AGBL1: variants seen among roughly 807,000 people sequenced by gnomAD.
AGBL1 encodes the protein AGBL carboxypeptidase 1.
Under a neutral mutation model 118.9 loss-of-function variants are expected in AGBL1, and 130 were observed. That is an observed-to-expected ratio of 1.09 (90% CI 0.95 to 1.26). The LOEUF (loss-of-function observed/expected upper bound fraction) is 1.26, where lower values mean the gene tolerates loss of function less well. AGBL1 is among the 50% of genes most tolerant of loss of function. The probability of loss-of-function intolerance (pLI) is 0.00; values close to 1 mark genes in which losing one functional copy is unlikely to be tolerated. For missense variants in AGBL1, 1,584 were observed against 1,298.1 expected (o/e 1.22, Z -3.38); for synonymous variants, 555 against 478.9 (o/e 1.16, Z -2.08).
chr15:86,916,661 C>T (rs372967298), downstream of AGBL1, among the ~76,000 whole-genome samples: 2 of 152,186 alleles, frequency 1.3e-5, no homozygotes, highest in Admixed American at 6.5e-5. Flanking sequence ...ACCCTTTCCT[C>T]TGGGTCTCAG....
At chr15:86,119,555 T>A (rs1277911411) in intron 1 of AGBL1, among the ~76,000 whole-genome samples, 1 of 151,996 alleles carries the variant, frequency 6.6e-6, no homozygotes, top group African/African-American at 2.4e-5. Flanking sequence ...CCCGGACCCA[T>A]CAACTGGGGC....
At chr15:86,774,417 T>C (rs1351737414) in intron 22 of AGBL1, among the ~76,000 whole-genome samples, 1 of 152,164 alleles carries the variant, frequency 6.6e-6, no homozygotes, top group African/African-American at 2.4e-5. Flanking sequence ...TAATACATAC[T>C]TTTGTTTTAT....
intron 17 of AGBL1, chr15:86,316,730 C>T (rs2080018174): frequency 1.3e-5 from 2 of 152,210 alleles, no homozygotes; most frequent in Admixed American, 1.3e-4. Flanking sequence ...TCCATCTTAC[C>T]CTAACTGTTG....
chr15:86,204,191 T>C (rs1389504109), intron 5 of AGBL1, among the ~76,000 whole-genome samples: 1 of 152,166 alleles, frequency 6.6e-6, no homozygotes, highest in East Asian at 1.9e-4. Flanking sequence ...TTCTATGCTT[T>C]CTGTGTCCCA....
Position 86,162,272 on chromosome 15 carries a change from G to A in AGBL1, c.488+3246G>A, listed in dbSNP as rs114895338. 7.2e-3 allele frequency among the ~76,000 whole-genome samples: 1,103 copies of A among 152,240 alleles called. 12 individuals carry two copies. Among genetic ancestry groups the A allele is most frequent in the African/African-American group, 0.025 (1,057 of 41,538 alleles). Reference sequence around the variant, plus strand: ...ATCCTCCAAATGCTAGCATGCTATGGGAGAGTTATTCCGGGATGCCTTTGT... The same window carrying A: ...ATCCTCCAAATGCTAGCATGCTATGAGAGAGTTATTCCGGGATGCCTTTGT... On this transcript the variant is annotated intron_variant, in intron 5 of 22. Transcript: ENST00000614907.
At chr15:86,477,351 G>T (rs2082575277) in intron 18 of AGBL1, among the ~76,000 whole-genome samples, 1 of 152,008 alleles carries the variant, frequency 6.6e-6, no homozygotes, top group Admixed American at 6.6e-5. Flanking sequence ...TGATAAAGAA[G>T]AAAAGAGAGA....
At chr15:86,632,634 T>G (rs1029716257) in intron 21 of AGBL1, among the ~76,000 whole-genome samples, 2 of 147,550 alleles carry the variant, frequency 1.4e-5, no homozygotes, top group Admixed American at 1.3e-4. Context: ...CATCATGTTT[T>G]TTTTTTTTTT....
At chr15:86,088,674 A>G (rs915790715) in intron 1 of AGBL1, among the ~76,000 whole-genome samples, 10 of 152,218 alleles carry the variant, frequency 6.6e-5, no homozygotes, top group African/African-American at 2.4e-4. Context: ...CGTTGTGGAA[A>G]CAGATGGATT....
At chr15:86,162,099 A>T (rs2077274674) in intron 5 of AGBL1, among the ~76,000 whole-genome samples, 1 of 152,090 alleles carries the variant, frequency 6.6e-6, no homozygotes, top group South Asian at 2.1e-4. Flanking sequence ...ATCTTTCACA[A>T]ACTCCATCCT....
At chr15:86,858,190 G>C (rs946880697) in intron 22 of AGBL1, among the ~76,000 whole-genome samples, 6 of 152,088 alleles carry the variant, frequency 3.9e-5, no homozygotes, top group African/African-American at 1.4e-4. Context: ...TGCTATAAGA[G>C]GGTATCACAG....
intron 21 of AGBL1, among the ~76,000 whole-genome samples, chr15:86,655,474 A>G (rs1371027675): frequency 1.3e-5 from 2 of 152,192 alleles, no homozygotes; most frequent in Non-Finnish European, 2.9e-5. Context: ...TAGGTAATCA[A>G]TAATTTCCCG....
chr15:86,142,602 C>T (rs1235291208), intron 2 of AGBL1, among the ~76,000 whole-genome samples: 2 of 152,172 alleles, frequency 1.3e-5, no homozygotes, highest in African/African-American at 4.8e-5. Context: ...TGCCTCATTA[C>T]TTTAGAAAGA....
rs533094116 is a variant in AGBL1, at chr15:86,546,321, G to A, written c.2817+188G>A. Among the ~76,000 whole-genome samples, 6 of 149,276 alleles carry A rather than the reference G, an allele frequency of 4.0e-5. No homozygotes were observed. The South Asian group carries it at 1.3e-3, about 32-fold the overall frequency. ...TGTGTAACCTCTCCTAATTTTTGTTGAATAATGACTTACTGACTTGTTGCT... is the reference window on the plus strand; with the variant it reads ...TGTGTAACCTCTCCTAATTTTTGTTAAATAATGACTTACTGACTTGTTGCT... On this transcript the variant is annotated intron_variant, in intron 20 of 22. Transcript: ENST00000614907.
intron 19 of AGBL1, among the ~76,000 whole-genome samples, chr15:86,534,859 A>G (rs535908752): frequency 6.6e-6 from 1 of 152,308 alleles, no homozygotes; most frequent in Non-Finnish European, 1.5e-5. Flanking sequence ...TTATGGGGAC[A>G]TAAATTGAAC....
chr15:86,330,147 G>C (rs2080247795), intron 17 of AGBL1, among the ~76,000 whole-genome samples: 1 of 152,196 alleles, frequency 6.6e-6, no homozygotes. Flanking sequence ...TGGGAGCTGA[G>C]CAGGGAGTTC....
chr15:86,369,001 G>A (rs537521099), intron 17 of AGBL1, among the ~76,000 whole-genome samples: 10 of 152,146 alleles, frequency 6.6e-5, no homozygotes, highest in Admixed American at 1.3e-4. Context: ...AAAGGGATGA[G>A]CAACAAGGCA....
intron 22 of AGBL1, among the ~76,000 whole-genome samples, chr15:86,700,155 G>T (rs1276209821): frequency 6.6e-6 from 1 of 151,798 alleles, no homozygotes; most frequent in Non-Finnish European, 1.5e-5. Flanking sequence ...TATCTCTGTG[G>T]ATTCAAGGAT....
At chr15:87,028,871 A>C (rs376036658) in exon 25 of AGBL1, 1 of 1,593,456 alleles carries the variant, frequency 6.3e-7, no homozygotes, top group Non-Finnish European at 8.6e-7. Flanking sequence ...CAAGTATTGA[A>C]GTTCATGCCA....
intron 16 of AGBL1, among the ~76,000 whole-genome samples, chr15:86,281,514 T>C (rs1190837225): frequency 6.6e-6 from 1 of 152,260 alleles, no homozygotes; most frequent in African/African-American, 2.4e-5. Flanking sequence ...GACACTGTTC[T>C]TTTTGCTTGT....
Sources: allele counts gnomAD v4.1 joint callset (sites outside exome capture counted in the v4.1 genomes callset), GRCh38; gene constraint gnomAD v4.1.1; transcripts MANE v1.5; gene names NCBI Gene and HGNC (gene_info 2026-07-23, HGNC 2026-07-21).